Variants in GRID2 observed in about 807,000 individuals in gnomAD.
The protein encoded by GRID2 is glutamate receptor ionotropic, delta-2.
In GRID2, 33 loss-of-function variants were observed where a neutral mutation model predicts 114.8. The observed-to-expected ratio is 0.29, with a 90% CI of 0.22 to 0.38. The LOEUF (loss-of-function observed/expected upper bound fraction) is 0.38. Ranked by LOEUF, GRID2 falls within the 10% of genes least tolerant of loss-of-function variation. GRID2 has a pLI of 1.00. For synonymous variants in GRID2, 505 were observed against 449.9 expected (o/e 1.12, Z -1.55); for missense variants, 1,184 against 1,257.7 (o/e 0.94, Z 0.89).
chr4:92,683,876 A>G (rs1003529122), intron 2 of GRID2, among the ~76,000 whole-genome samples: 2 of 151,864 alleles, frequency 1.3e-5, no homozygotes, highest in African/African-American at 4.8e-5. Flanking sequence ...TATAGAACAA[A>G]TGTTGATATG....
At chr4:93,121,553 ACTT>A (rs1310109117) in intron 4 of GRID2, among the ~76,000 whole-genome samples, 1 of 152,154 alleles carries the variant, frequency 6.6e-6, no homozygotes, top group Non-Finnish European at 1.5e-5. Flanking sequence ...GAATTTATAT[ACTT>A]CTGTTGATGA....
At chr4:92,848,742 T>A (rs1466298347) in intron 2 of GRID2, among the ~76,000 whole-genome samples, 1 of 151,880 alleles carries the variant, frequency 6.6e-6, no homozygotes, top group Non-Finnish European at 1.5e-5. Flanking sequence ...AGATAGGGTC[T>A]TTAAAGAGGA....
chr4:92,338,081 A>G (rs765920804), intron 1 of GRID2, among the ~76,000 whole-genome samples: 23 of 152,222 alleles, frequency 1.5e-4, no homozygotes, highest in Admixed American at 6.6e-4. Context: ...CATGGAAGAG[A>G]TTTTTCTTAA....
At chr4:92,479,871 G>A (rs1223260906) in intron 1 of GRID2, among the ~76,000 whole-genome samples, 1 of 152,098 alleles carries the variant, frequency 6.6e-6, no homozygotes, top group Non-Finnish European at 1.5e-5. Flanking sequence ...CAATTAGGGA[G>A]ACATAATGTT....
chr4:93,636,079 C>G (rs1238440149), intron 14 of GRID2, among the ~76,000 whole-genome samples: 1 of 152,096 alleles, frequency 6.6e-6, no homozygotes, highest in Non-Finnish European at 1.5e-5. Flanking sequence ...ATTCAAGATG[C>G]AACAGTACCC....
intron 8 of GRID2, among the ~76,000 whole-genome samples, chr4:93,335,281 G>A (rs531875786): frequency 4.7e-4 from 71 of 152,294 alleles, no homozygotes; most frequent in Non-Finnish European, 7.6e-4. Context: ...ATAACAGGAA[G>A]ATGGACTTTT....
chr4:92,440,584 G>T (rs1488843402), intron 1 of GRID2, among the ~76,000 whole-genome samples: 1 of 152,080 alleles, frequency 6.6e-6, no homozygotes, highest in African/African-American at 2.4e-5. Context: ...GGAACACTGA[G>T]AAGTTATTTC....
At chr4:92,762,699 T>G (rs953988797) in intron 2 of GRID2, among the ~76,000 whole-genome samples, 7 of 152,208 alleles carry the variant, frequency 4.6e-5, no homozygotes, top group Non-Finnish European at 7.4e-5. Flanking sequence ...TGCCTTAAGC[T>G]CAAGTCATAT....
At position 92,921,665 on chromosome 4, in the gene GRID2, A is replaced by G. The variant is rs371912052; in HGVS notation, c.245-163330A>G. ...CAATGGAGGCTGCAGAACAGCGGCTATTGGTGAACAGCAAATGTTGCTGCC... is the reference window on the plus strand; with the variant it reads ...CAATGGAGGCTGCAGAACAGCGGCTGTTGGTGAACAGCAAATGTTGCTGCC... On this transcript the variant is annotated intron_variant, in intron 2 of 15. Transcript: ENST00000282020. Among the ~76,000 whole-genome samples, 33 of 152,208 alleles carry G rather than the reference A, an allele frequency of 2.2e-4. No individual in the cohort carries two copies. In the East Asian group the frequency reaches 5.2e-3, roughly 24 times the overall value.
At chr4:92,575,786 ACCAGCTGAGAT>A (rs1727860056) in intron 1 of GRID2, among the ~76,000 whole-genome samples, 1 of 152,078 alleles carries the variant, frequency 6.6e-6, no homozygotes, top group Non-Finnish European at 1.5e-5. Context: ...CACAGTCTGG[ACCAGCTGAGAT>A]ATTTGAACAG....
intron 14 of GRID2, among the ~76,000 whole-genome samples, chr4:93,727,435 G>A (rs1730031092): frequency 6.6e-6 from 1 of 152,138 alleles, no homozygotes; most frequent in Non-Finnish European, 1.5e-5. Context: ...GAGGATATTG[G>A]TCTAAAATTC....
intron 1 of GRID2, among the ~76,000 whole-genome samples, chr4:92,473,371 A>C (rs185355627): frequency 6.6e-6 from 1 of 152,180 alleles, no homozygotes; most frequent in East Asian, 1.9e-4. Context: ...TCTTATAATA[A>C]GGAAAGTTTT....
At chr4:92,646,875 C>T (rs931328048) in intron 2 of GRID2, among the ~76,000 whole-genome samples, 3 of 151,770 alleles carry the variant, frequency 2.0e-5, no homozygotes, top group African/African-American at 7.3e-5. Flanking sequence ...TATACAATCA[C>T]AGTCTTTGAA....
At chr4:92,935,704 C>T (rs1750617255) in intron 2 of GRID2, among the ~76,000 whole-genome samples, 1 of 146,698 alleles carries the variant, frequency 6.8e-6, no homozygotes, top group African/African-American at 2.4e-5. Context: ...ACTATGCAGC[C>T]ATAAAAAATG....
At chr4:93,140,257 C>T (rs1265492306) in intron 4 of GRID2, among the ~76,000 whole-genome samples, 1 of 149,318 alleles carries the variant, frequency 6.7e-6, no homozygotes, top group Non-Finnish European at 1.5e-5. Flanking sequence ...CTCCCGGGTT[C>T]ACGCCATTCT....
chr4:92,531,566 C>G lies in GRID2; in HGVS notation c.89-58565C>G, dbSNP rs1340456161. On this transcript the variant is annotated intron_variant, in intron 1 of 15. Coordinates refer to ENST00000282020, the MANE Select transcript of GRID2 (RefSeq NM_001510.4). Reference sequence around the variant, plus strand: ...GAGTCACTAAAATGACCCATGTGTACACAGAATAAGTGTTGAAATACTAAC... The same window carrying G: ...GAGTCACTAAAATGACCCATGTGTAGACAGAATAAGTGTTGAAATACTAAC... Among the ~76,000 whole-genome samples, 14 of 152,088 alleles carry G rather than the reference C, an allele frequency of 9.2e-5. No individual in the cohort carries two copies. The East Asian group carries it at 2.5e-3, about 27-fold the overall frequency.
chr4:93,654,361 C>A (rs778033419), intron 14 of GRID2, among the ~76,000 whole-genome samples: 2 of 152,166 alleles, frequency 1.3e-5, no homozygotes, highest in African/African-American at 2.4e-5. Flanking sequence ...GCACTAAGAG[C>A]TTTCAGGGCC....
At chr4:92,868,173 TA>T (rs1409213540) in intron 2 of GRID2, among the ~76,000 whole-genome samples, 1 of 152,044 alleles carries the variant, frequency 6.6e-6, no homozygotes, top group East Asian at 1.9e-4. Context: ...TATTACTCCA[TA>T]AACTTTGAAT....
intron 8 of GRID2, among the ~76,000 whole-genome samples, chr4:93,307,504 C>T (rs1755562134): frequency 6.6e-6 from 1 of 151,980 alleles, no homozygotes; most frequent in African/African-American, 2.4e-5. Flanking sequence ...AGTAATCCCT[C>T]TTTGAACTGA....
Sources: gnomAD v4.1 joint callset for allele counts (sites outside exome capture counted in the v4.1 genomes callset) on GRCh38, gnomAD v4.1.1 for gene constraint, MANE v1.5 for transcripts, NCBI Gene and HGNC (gene_info 2026-07-23, HGNC 2026-07-21) for gene names.